EIF2AK4: variants seen among roughly 807,000 people sequenced by gnomAD.
The protein encoded by EIF2AK4 is eIF-2-alpha kinase GCN2.
EIF2AK4 carries 139 observed loss-of-function variants against 211.1 expected under a neutral mutation model. That is an observed-to-expected ratio of 0.66 (90% CI 0.57 to 0.76). The LOEUF (loss-of-function observed/expected upper bound fraction) is 0.76. Among genes scored for constraint, EIF2AK4 ranks in the 30% least tolerant of loss-of-function variants. The pLI is 0.00. For missense variants in EIF2AK4, 1,664 were observed against 2,043.8 expected, an observed-to-expected ratio of 0.81 and a Z score of 3.58; for synonymous variants, 710 against 751.3, an observed-to-expected ratio of 0.94 and a Z score of 0.90.
At chr15:39,939,433 G>C in intron 1 of EIF2AK4, 72 bp from the exon 2 acceptor site, 1 of 837,698 alleles carries the variant, frequency 1.2e-6, no homozygotes, top group Non-Finnish European at 1.8e-6. Flanking sequence ...GATCTAAAAT[G>C]ATCATTATCT....
intron 29 of EIF2AK4, 125 bp downstream of exon 29, chr15:40,017,367 T>C: frequency 1.8e-6 from 2 of 1,089,676 alleles, no homozygotes; most frequent in Admixed American, 2.8e-5. Context: ...CTTCTATTAA[T>C]ATATGTTTCA....
chr15:39,985,990 A>C (rs2034859837), intron 14 of EIF2AK4, 102 bp downstream of exon 14: 3 of 1,025,990 alleles, frequency 2.9e-6, no homozygotes, highest in African/African-American at 3.2e-5. Flanking sequence ...AGGAGGGCTT[A>C]TTGCCACTAC....
At chr15:39,962,660 T>G (rs2034489636) in intron 7 of EIF2AK4, among the ~76,000 whole-genome samples, 1 of 152,236 alleles carries the variant, frequency 6.6e-6, no homozygotes, top group South Asian at 2.1e-4. Context: ...TCCATCCATT[T>G]GGCATTTTCC....
intron 3 of EIF2AK4, among the ~76,000 whole-genome samples, chr15:39,944,432 C>CTTTTTTTTTTTTT (rs55669603): frequency 1.7e-5 from 2 of 121,162 alleles, no homozygotes; most frequent in Admixed American, 9.2e-5. Flanking sequence ...TTAACGATCT[C>CTTTTTTTTTTTTT]TTTTTTTTTT....
intron 23 of EIF2AK4, among the ~76,000 whole-genome samples, chr15:40,004,967 C>G (rs947038510): frequency 3.3e-5 from 5 of 152,128 alleles, no homozygotes. Context: ...ATCCAGCCAA[C>G]TGTGGATGGA....
At chr15:40,027,922 CG>C (rs1555423245) in intron 33 of EIF2AK4, among the ~76,000 whole-genome samples, 14 of 151,272 alleles carry the variant, frequency 9.3e-5, no homozygotes. Flanking sequence ...ACAACAACAA[CG>C]AATATATAAT....
chr15:39,990,739 G>A (rs16970134), intron 16 of EIF2AK4, among the ~76,000 whole-genome samples: 104,704 of 152,072 alleles, frequency 0.69, 36,153 homozygotes, highest in East Asian at 0.73. Context: ...GCTCAAAAAC[G>A]TAAAACACCA....
At chr15:39,976,943 TC>T (rs780478545) in intron 12 of EIF2AK4, 99 bp downstream of exon 12, 228 of 1,347,172 alleles carry the variant, frequency 1.7e-4, no homozygotes, top group Non-Finnish European at 2.0e-4. Context: ...CTTCCTTCTT[TC>T]CTTCTTTTCT....
intron 14 of EIF2AK4, among the ~76,000 whole-genome samples, chr15:39,986,628 T>G (rs987130749): frequency 6.6e-6 from 1 of 152,038 alleles, no homozygotes; most frequent in Non-Finnish European, 1.5e-5. Flanking sequence ...CCGAGGCGGG[T>G]GGATCACCTG....
At chr15:39,936,015 A>C (rs1436682679) in intron 1 of EIF2AK4, among the ~76,000 whole-genome samples, 1 of 152,204 alleles carries the variant, frequency 6.6e-6, no homozygotes, top group Non-Finnish European at 1.5e-5. Context: ...CAAAGTGTAC[A>C]TGGGACTCAA....
chr15:39,968,575 C>G (rs1220059154), intron 9 of EIF2AK4, among the ~76,000 whole-genome samples: 2 of 152,228 alleles, frequency 1.3e-5, no homozygotes, highest in African/African-American at 4.8e-5. Context: ...TCCCTTCAGT[C>G]TGGATTTTTC....
At chr15:39,967,078 G>C (rs1244469505) in intron 8 of EIF2AK4, among the ~76,000 whole-genome samples, 1 of 152,184 alleles carries the variant, frequency 6.6e-6, no homozygotes, top group Non-Finnish European at 1.5e-5. Context: ...AGTAGGTTTT[G>C]AGATTAGAGA....
chr15:39,964,922 TG>T (rs1448537089), intron 7 of EIF2AK4, among the ~76,000 whole-genome samples: 3 of 152,230 alleles, frequency 2.0e-5, no homozygotes, highest in Non-Finnish European at 4.4e-5. Context: ...AAGTCATTGA[TG>T]TATTCAGATT....
At chr15:39,946,876 A>C in intron 3 of EIF2AK4, 1 of 558,262 alleles carries the variant, frequency 1.8e-6, no homozygotes, top group Non-Finnish European at 3.2e-6. Context: ...TTAGCAATAA[A>C]GTATTTTAAA....
rs575663330 is a variant in EIF2AK4 at position 39,957,889 on chromosome 15, G to C, written c.743+2121G>C. The stretch of plus-strand genomic sequence containing the variant: ...AGTGAGGTTTTATTTAACAAAAGAT[G>C]TTCACGCTGAAAAGAAGAGAAAGAG... On this transcript the variant is annotated intron_variant, in intron 6 of 38. Transcript: ENST00000263791. Among the ~76,000 whole-genome samples, 4 of 152,236 alleles carry C rather than the reference G, an allele frequency of 2.6e-5. No homozygotes were observed. In the East Asian group the frequency reaches 7.7e-4, roughly 29 times the overall value.
chr15:39,971,607 C>G (rs948253182), intron 9 of EIF2AK4, among the ~76,000 whole-genome samples: 1 of 151,988 alleles, frequency 6.6e-6, no homozygotes, highest in Non-Finnish European at 1.5e-5. Flanking sequence ...GTCCCAGTTA[C>G]TCAGGAGGCT....
chr15:40,026,528 ACCAT>A (rs1251322677), intron 33 of EIF2AK4, among the ~76,000 whole-genome samples: 45 of 152,318 alleles, frequency 3.0e-4, no homozygotes, highest in African/African-American at 1.1e-3. Context: ...CTTTTAATGA[ACCAT>A]TCTGTTGCTT....
chr15:39,983,228 G>T (rs2034818476), intron 13 of EIF2AK4, among the ~76,000 whole-genome samples: 1 of 152,114 alleles, frequency 6.6e-6, no homozygotes, highest in Admixed American at 6.6e-5. Flanking sequence ...ACTTTTTAAT[G>T]ATCACCATTC....
chr15:39,953,782 A>G, intron 4 of EIF2AK4, 122 bp from the exon 5 acceptor site: 6 of 932,204 alleles, frequency 6.4e-6, no homozygotes, highest in Non-Finnish European at 9.7e-6. Context: ...CTGTGTTTTC[A>G]GATCTCTTAG....
Sources: gnomAD v4.1 joint callset for allele counts (sites outside exome capture counted in the v4.1 genomes callset) on GRCh38, gnomAD v4.1.1 for gene constraint, MANE v1.5 for transcripts, NCBI Gene and HGNC (gene_info 2026-07-23, HGNC 2026-07-21) for gene names.